The following MARS1 variants were observed in gnomAD, a reference collection of about 807,000 sequenced individuals.
The protein encoded by MARS1 is methionyl-tRNA synthetase 1, also known as methionine--tRNA ligase, cytoplasmic.
Under a neutral mutation model 119.5 loss-of-function variants are expected in MARS1, and 80 were observed. That is an observed-to-expected ratio of 0.67 (90% confidence interval 0.56 to 0.81). The LOEUF (loss-of-function observed/expected upper bound fraction) is 0.81. Among genes scored for constraint, MARS1 ranks in the 30% least tolerant of loss-of-function variants. MARS1 has a pLI of 0.00. For missense variants in MARS1, 945 were observed against 1,116.5 expected (o/e 0.85, Z 2.19); for synonymous variants, 418 against 433.4 (o/e 0.96, Z 0.44).
At position 57,516,625 on chromosome 12, in the gene MARS1, TAATA is replaced by T. The variant is rs768835044; in HGVS notation, c.*52_*55del. On this transcript the variant is annotated 3_prime_UTR_variant, in exon 21 of 21. Coordinates refer to ENST00000262027, the MANE Select transcript of MARS1 (RefSeq NM_004990.4). The stretch of plus-strand genomic sequence containing the variant: ...AAGTCACTTTAATAGATAGGGACAG[TAATA>T]AATAAATGTACAATCTCTATATACA... 1.9e-6 allele frequency: 3 copies of T among 1,538,486 alleles called. No individual in the cohort carries two copies. The highest frequency in any genetic ancestry group is 1.3e-5 in the South Asian group (1 of 77,706).
chr12:57,514,157 C>CTTT (rs568624285), intron 15 of MARS1, among the ~76,000 whole-genome samples: 1 of 131,222 alleles, frequency 7.6e-6, no homozygotes, highest in Non-Finnish European at 1.6e-5. Context: ...TGAGTAATGA[C>CTTT]TTTTTTTTTT....
chr12:57,511,531 T>G (rs566693218), intron 11 of MARS1, 167 bp from the exon 12 acceptor site: 1 of 654,690 alleles, frequency 1.5e-6, no homozygotes, highest in African/African-American at 1.8e-5. Context: ...GAGCTGTGAT[T>G]ATGATTGCAC....
chr12:57,492,001 C>T lies in MARS1; in HGVS notation c.770+1357C>T, dbSNP rs932195200. 4.6e-5 allele frequency among the ~76,000 whole-genome samples: 7 copies of T among 152,178 alleles called. No individual in the cohort carries two copies. In the East Asian group the frequency reaches 5.8e-4, roughly 13 times the overall value. On this transcript the variant is annotated intron_variant, in intron 7 of 20. Transcript: ENST00000262027. ...ATTACACATTTTGAAAAGTCCAGGC[C>T]GGGCGCGGTGGCTCATGCCTGTAAT...
rs148191586 is a variant in MARS1 at position 57,511,808 on chromosome 12, C to A, written c.1479C>A (p.Arg493=). The change falls in exon 12 of 21, where the codon CGC becomes CGA. Residue 493 remains arginine, a synonymous_variant. Transcript: ENST00000262027. The part of the protein sequence containing the change: ...RSWLRDGLKP[R]CITRDLKWGT... ...GGCTTCGGGATGGCCTCAAGCCACGCTGCATAACCCGAGACCTCAAATGGG... is the reference window on the plus strand; with the variant it reads ...GGCTTCGGGATGGCCTCAAGCCACGATGCATAACCCGAGACCTCAAATGGG... The A allele has an allele frequency of 1.1e-5, 17 of 1,614,098 alleles. No individual in the cohort carries two copies. Among genetic ancestry groups the A allele is most frequent in the Non-Finnish European group, 1.4e-5 (17 of 1,180,036 alleles).
At position 57,489,114 on chromosome 12, in the gene MARS1, G is replaced by A; in HGVS notation, c.200+5G>A. ...CTCCACTAGTGCAATCTGCCGGTCA[G>A]TATTGGTCCTTGGTGTAGGGAGGTG... On this transcript the variant is annotated splice_donor_5th_base_variant and intron_variant, in intron 2 of 20. Coordinates refer to ENST00000262027, the MANE Select transcript of MARS1 (RefSeq NM_004990.4). 6.2e-7 allele frequency: 1 copy of A among 1,613,880 alleles called. No individual in the cohort carries two copies.
Position 57,489,303 on chromosome 12 carries a change from CCT to C in MARS1, c.239_240del (p.Leu80HisfsTer2). On this transcript the variant is annotated frameshift_variant, in exon 3 of 21. Transcript: ENST00000262027. LOFTEE classifies it high-confidence loss of function. ...TGTTATCTGGCTGGGAGCAAGATGACCTCACTAACCAGTGGCTGGAATGGGAA... is the reference window on the plus strand; with the variant it reads ...TGTTATCTGGCTGGGAGCAAGATGACCACTAACCAGTGGCTGGAATGGGAA... ...FLLSGWEQDDLTNQWLEWEAT... is the reference protein window; with the variant it reads ...FLLSGWEQDDXTNQWLEWEAT... 1 of 1,613,894 alleles carries C rather than the reference CCT, an allele frequency of 6.2e-7. No homozygotes were observed. The highest frequency in any genetic ancestry group is 2.2e-5 in the East Asian group (1 of 44,884).
At chr12:57,505,184 G>A (rs1188988776) in intron 11 of MARS1, among the ~76,000 whole-genome samples, 1 of 143,830 alleles carries the variant, frequency 7.0e-6, no homozygotes, top group African/African-American at 2.6e-5. Flanking sequence ...TTTTTGAGAT[G>A]GAGCTTCTCT....
At position 57,504,349 on chromosome 12, in the gene MARS1, C is replaced by T. The variant is rs779982770; in HGVS notation, c.1368+50C>T. ...AGTTTTCAGGAGGCCTCTTCTGTCC[C>T]CTCTGCCTTAGCCACAAATACTGAG... On this transcript the variant is annotated intron_variant, in intron 11 of 20. Transcript: ENST00000262027. The T allele has an allele frequency of 6.9e-6, 10 of 1,442,950 alleles. No individual in the cohort carries two copies. The African/African-American group carries it at 1.4e-4, about 20-fold the overall frequency. The allele number at this position is 1,442,950 out of a possible 1,614,324, so 89.4% of individuals were successfully genotyped here.
intron 7 of MARS1, 71 bp downstream of exon 7, chr12:57,490,715 C>A: frequency 8.1e-7 from 1 of 1,233,250 alleles, no homozygotes; most frequent in Non-Finnish European, 1.2e-6. Flanking sequence ...CCAGAACCTG[C>A]CTGCTAGGTC....
intron 11 of MARS1, among the ~76,000 whole-genome samples, chr12:57,510,720 C>T (rs1366533083): frequency 6.6e-6 from 1 of 151,612 alleles, no homozygotes; most frequent in Non-Finnish European, 1.5e-5. Context: ...CGCTGGAAGC[C>T]AGGAGTTTGA....
intron 10 of MARS1, among the ~76,000 whole-genome samples, chr12:57,501,977 A>G (rs1876938247): frequency 6.6e-6 from 1 of 152,070 alleles, no homozygotes; most frequent in Non-Finnish European, 1.5e-5. Context: ...TGGGTGACAG[A>G]GCAAGACTGT....
intron 14 of MARS1, 148 bp from the exon 15 acceptor site, chr12:57,512,603 A>C (rs1877575300): frequency 1.4e-6 from 1 of 700,936 alleles, no homozygotes; most frequent in East Asian, 2.7e-5. Flanking sequence ...GGGACTCCCA[A>C]AATCTGAGCA....
rs140633197 is a variant in MARS1 at position 57,511,379 on chromosome 12, T to G, written c.1369-319T>G. Among the ~76,000 whole-genome samples the G allele has an allele frequency of 7.2e-4, 109 of 151,948 alleles. 1 individual carries two copies. The East Asian group carries it at 0.014, about 20-fold the overall frequency. ...TGGGCAGATTGCTTGAGCTCAGGAG[T>G]TCAAGACCAGCCTGGGCAATGTGGC... On this transcript the variant is annotated intron_variant, in intron 11 of 20. Transcript: ENST00000262027.
At chr12:57,511,482 TAGG>T (rs1877511588) in intron 11 of MARS1, 4 of 562,954 alleles carry the variant, frequency 7.1e-6, no homozygotes, top group Non-Finnish European at 1.3e-5. Flanking sequence ...GAGGTTGAGG[TAGG>T]AGGATTGCTT....
chr12:57,502,535 G>A (rs1049356171), intron 10 of MARS1, among the ~76,000 whole-genome samples: 16 of 151,494 alleles, frequency 1.1e-4, no homozygotes, highest in African/African-American at 3.6e-4. Context: ...GCGAAACCCC[G>A]CCTCTACTAA....
rs754356562 is a variant in MARS1, at chr12:57,500,364, G to A, written c.1135G>A (p.Val379Met). Reference sequence around the variant, plus strand: ...CCAGCAGTTGCTGAAACGAGGTTTTGTGCTGCAAGATACTGTGGAGCAACT... The same window carrying A: ...CCAGCAGTTGCTGAAACGAGGTTTTATGCTGCAAGATACTGTGGAGCAACT... ...IFQQLLKRGF[V>M]LQDTVEQLRC... The change falls in exon 10 of 21, where the codon GTG becomes ATG. Residue 379 changes from valine (V) to methionine (M), a missense_variant. Transcript: ENST00000262027. The A allele has an allele frequency of 5.0e-6, 8 of 1,614,230 alleles. No individual in the cohort carries two copies. The South Asian group carries it at 6.6e-5, about 13-fold the overall frequency.
At chr12:57,514,019 T>A (rs1407790574) in intron 15 of MARS1, among the ~76,000 whole-genome samples, 1 of 136,358 alleles carries the variant, frequency 7.3e-6, no homozygotes, top group Non-Finnish European at 1.5e-5. Context: ...GCCAAGATCA[T>A]GCCACTGTGC....
intron 11 of MARS1, among the ~76,000 whole-genome samples, chr12:57,508,498 A>G (rs2140029675): frequency 6.6e-6 from 1 of 152,342 alleles, no homozygotes; most frequent in South Asian, 2.1e-4. Context: ...GTCTCTACCA[A>G]AAAAATACGA....
intron 7 of MARS1, among the ~76,000 whole-genome samples, chr12:57,493,857 T>TA (rs1281853294): frequency 1.9e-4 from 1 of 5,278 alleles, no homozygotes; most frequent in Non-Finnish European, 7.5e-3. Context: ...AATATATATA[T>TA]TTATATTATA....
Sources: allele counts gnomAD v4.1 joint callset (sites outside exome capture counted in the v4.1 genomes callset), GRCh38; gene constraint gnomAD v4.1.1; transcripts MANE v1.5; gene names NCBI Gene and HGNC (gene_info 2026-07-23, HGNC 2026-07-21).